IL31RA: variants seen among roughly 807,000 people sequenced by gnomAD.
IL31RA encodes interleukin 31 receptor A.
Under a neutral mutation model 83.7 loss-of-function variants are expected in IL31RA, and 66 were observed. The ratio of observed to expected loss-of-function variants is 0.79; its 90% confidence interval spans 0.65 to 0.97. The LOEUF is 0.97. Ranked by LOEUF, IL31RA falls within the 50% of genes least tolerant of loss-of-function variation. IL31RA has a pLI of 0.00. For missense variants in IL31RA, 798 were observed against 919.4 expected, an observed-to-expected ratio of 0.87 and a Z score of 1.71; for synonymous variants, 325 against 329.0, an observed-to-expected ratio of 0.99 and a Z score of 0.13.
At chr5:55,871,242 G>A (rs1159347251) in intron 3 of IL31RA, among the ~76,000 whole-genome samples, 1 of 152,198 alleles carries the variant, frequency 6.6e-6, no homozygotes, top group Non-Finnish European at 1.5e-5. Context: ...TTGCCCTGGA[G>A]GCCATTTTTG....
intron 4 of IL31RA, among the ~76,000 whole-genome samples, chr5:55,881,416 A>C (rs1473122640): frequency 2.6e-5 from 4 of 152,100 alleles, no homozygotes; most frequent in Admixed American, 1.3e-4. Context: ...CCTGGAGGTC[A>C]AGTGCCCCGT....
At chr5:55,853,467 G>A in intron 1 of IL31RA, 2 of 1,545,894 alleles carry the variant, frequency 1.3e-6, no homozygotes, top group Non-Finnish European at 1.7e-6. Context: ...AGTCCAGATT[G>A]TTCTTCCTGT....
At chr5:55,852,105 T>A (rs1045429029) in intron 1 of IL31RA, 3 of 186,158 alleles carry the variant, frequency 1.6e-5, no homozygotes, top group Non-Finnish European at 3.4e-5. Context: ...CAAGAAATGC[T>A]TGCTATTTTT....
chr5:55,911,989 T>C (rs1160366811), intron 12 of IL31RA, among the ~76,000 whole-genome samples: 2 of 152,204 alleles, frequency 1.3e-5, no homozygotes, highest in Non-Finnish European at 2.9e-5. Flanking sequence ...CATTGCCCTC[T>C]AGGAACTCTT....
chr5:55,908,508 A>G (rs1749301112), intron 11 of IL31RA, 97 bp downstream of exon 11: 2 of 1,611,150 alleles, frequency 1.2e-6, no homozygotes. Context: ...TCTCATTGTG[A>G]CTTGCAACCT....
chr5:55,916,944 A>G lies in IL31RA; in HGVS notation c.2119A>G (p.Met707Val). 6.2e-7 allele frequency: 1 copy of G among 1,613,750 alleles called. No homozygotes were observed. The highest frequency in any genetic ancestry group is 1.7e-5 in the Admixed American group (1 of 59,974). ...AAAATCCCAATACCTACGTTCGAGGATGCCAGAGGGGACCCGCCCAGAAGC... is the reference window on the plus strand; with the variant it reads ...AAAATCCCAATACCTACGTTCGAGGGTGCCAGAGGGGACCCGCCCAGAAGC... ...PRKSQYLRSR[M>V]PEGTRPEAKE... The change falls in exon 15 of 15, where the codon ATG becomes GTG. Residue 707 changes from methionine (M) to valine (V), a missense_variant. Coordinates refer to ENST00000652347, the MANE Select transcript of IL31RA (RefSeq NM_139017.7).
chr5:55,864,402 G>A (rs572436600), intron 2 of IL31RA, among the ~76,000 whole-genome samples: 1,190 of 98,738 alleles, frequency 0.012, 10 homozygotes, highest in Non-Finnish European at 0.02. Context: ...CACACACCAC[G>A]CACACACCAC....
intron 7 of IL31RA, 45 bp from the exon 8 acceptor site, chr5:55,899,871 T>C: frequency 7.0e-7 from 1 of 1,438,206 alleles, no homozygotes; most frequent in Non-Finnish European, 9.8e-7. Flanking sequence ...AATGCCTTTC[T>C]TTTTCTTTGT....
Position 55,860,053 on chromosome 5 carries a change from A to G in IL31RA, c.154+454A>G, listed in dbSNP as rs371880625. The stretch of plus-strand genomic sequence containing the variant: ...CAATAACTAATAATAAAATGGAGCC[A>G]TTAAAACAATTTACTATAATAAAAG... On this transcript the variant is annotated intron_variant, in intron 2 of 14. Coordinates refer to ENST00000652347, the MANE Select transcript of IL31RA (RefSeq NM_139017.7). Among the ~76,000 whole-genome samples, 31 of 152,314 alleles carry G rather than the reference A, an allele frequency of 2.0e-4. No homozygotes were observed. In the East Asian group the frequency reaches 5.4e-3, roughly 27 times the overall value.
chr5:55,859,349 G>T (rs910141540), intron 1 of IL31RA, among the ~76,000 whole-genome samples, 160 bp from the exon 2 acceptor site: 2 of 152,214 alleles, frequency 1.3e-5, no homozygotes, highest in African/African-American at 4.8e-5. Context: ...GACTGGGGTT[G>T]ATGGAGTAAT....
chr5:55,903,550 C>T lies in IL31RA; in HGVS notation c.1070-2556C>T, dbSNP rs1580731112. On this transcript the variant is annotated intron_variant, in intron 8 of 14. Coordinates refer to ENST00000652347, the MANE Select transcript of IL31RA (RefSeq NM_139017.7). The surrounding 1 kb of genome is among the most constrained non-coding windows in gnomAD (Gnocchi z 4.7). ...CCAGGCTTTCCCCTTTCAAGGTTGA[C>T]TCATGGTTTCCTGGGGCCGGCGCCA... Among the ~76,000 whole-genome samples the T allele has an allele frequency of 6.6e-6, 1 of 152,180 alleles. No homozygotes were observed. The highest frequency in any genetic ancestry group is 6.5e-5 in the Admixed American group (1 of 15,280).
At position 55,908,403 on chromosome 5, in the gene IL31RA, A is replaced by G. The variant is rs760819596; in HGVS notation, c.1493A>G (p.Lys498Arg). Residue 498 changes from lysine (K) to arginine (R), a missense_variant, in exon 11 of 15, where the codon AAA (lysine) becomes AGA (arginine). Lys to Arg is a conservative substitution (Grantham distance 26). Coordinates refer to ENST00000652347, the MANE Select transcript of IL31RA (RefSeq NM_139017.7). ...YTIFYQAEGGKGFSKTVNSSI... is the reference protein window; with the variant it reads ...YTIFYQAEGGRGFSKTVNSSI... Reference sequence around the variant, plus strand: ...ATCTTTTACCAAGCTGAAGGTGGAAAAGGATTCTGTAAGCACGCCCATAGC... The same window carrying G: ...ATCTTTTACCAAGCTGAAGGTGGAAGAGGATTCTGTAAGCACGCCCATAGC... 4.3e-6 allele frequency: 7 copies of G among 1,614,086 alleles called. No individual in the cohort carries two copies.
At chr5:55,870,485 T>C (rs1021570493) in intron 3 of IL31RA, among the ~76,000 whole-genome samples, 1 of 152,260 alleles carries the variant, frequency 6.6e-6, no homozygotes, top group Admixed American at 6.5e-5. Context: ...CAATTGCTAG[T>C]AGAATGAGAA....
At position 55,908,427 on chromosome 5, in the gene IL31RA, G is replaced by A. The variant is rs150394466; in HGVS notation, c.1501+16G>A. Reference sequence around the variant, plus strand: ...AAAGGATTCTGTAAGCACGCCCATAGCGAAGTGGAAAAAAACCCCAAGCCC... The same window carrying A: ...AAAGGATTCTGTAAGCACGCCCATAACGAAGTGGAAAAAAACCCCAAGCCC... On this transcript the variant is annotated intron_variant, in intron 11 of 14. Transcript: ENST00000652347. 5.3e-5 allele frequency: 86 copies of A among 1,614,178 alleles called. No homozygotes were observed. The East Asian group carries it at 1.6e-3, about 31-fold the overall frequency.
intron 11 of IL31RA, among the ~76,000 whole-genome samples, chr5:55,909,376 T>C (rs1387940925): frequency 6.6e-6 from 1 of 152,212 alleles, no homozygotes; most frequent in Non-Finnish European, 1.5e-5. Context: ...TATGCTGCTG[T>C]GTACAAATAT....
chr5:55,843,294 G>A, the IL31RA span, among the ~76,000 whole-genome samples: 1 of 152,134 alleles, frequency 6.6e-6, no homozygotes, highest in Non-Finnish European at 1.5e-5. Context: ...TGATTCTGCA[G>A]GAAGTGAACA....
chr5:55,849,574 C>G (rs972157202), upstream of IL31RA, among the ~76,000 whole-genome samples: 4 of 152,134 alleles, frequency 2.6e-5, no homozygotes, highest in African/African-American at 7.2e-5. Context: ...ACTTACTGAG[C>G]CGATTACTCA....
chr5:55,852,952 C>G (rs1438387776), intron 1 of IL31RA, among the ~76,000 whole-genome samples: 1 of 152,140 alleles, frequency 6.6e-6, no homozygotes, highest in Non-Finnish European at 1.5e-5. Flanking sequence ...TAGTACTATG[C>G]CTGACACACA....
At chr5:55,873,429 TTGCTGAGTCACA>T (rs1746657634) in intron 4 of IL31RA, among the ~76,000 whole-genome samples, 2 of 152,138 alleles carry the variant, frequency 1.3e-5, no homozygotes, top group Admixed American at 1.3e-4. Flanking sequence ...CCTAGTGAAA[TTGCTGAGTCACA>T]TGGTAACTCA....
Sources: gnomAD v4.1 joint callset for allele counts (sites outside exome capture counted in the v4.1 genomes callset) on GRCh38, gnomAD v4.1.1 for gene constraint, Gnocchi (gnomAD v3.1) non-coding constraint, MANE v1.5 for transcripts, NCBI Gene and HGNC (gene_info 2026-07-23, HGNC 2026-07-21) for gene names.